Variants in BEST3 observed in about 807,000 individuals in gnomAD.
BEST3 encodes bestrophin 3.
In BEST3, 50 loss-of-function variants were observed where a neutral mutation model predicts 47.1. The observed-to-expected ratio is 1.06, with a 90% confidence interval of 0.85 to 1.34. BEST3 has a LOEUF of 1.34. Ranked by LOEUF, BEST3 falls within the 40% of genes most tolerant of loss-of-function variation. The probability of loss-of-function intolerance (pLI) is 0.00; values close to 1 mark genes in which losing one functional copy is unlikely to be tolerated. For missense variants in BEST3, 765 were observed against 817.0 expected, an observed-to-expected ratio of 0.94 and a Z score of 0.78; for synonymous variants, 282 against 298.8, an observed-to-expected ratio of 0.94 and a Z score of 0.58.
chr12:69,690,885 AT>A (rs921700383), intron 4 of BEST3, among the ~76,000 whole-genome samples: 32 of 151,670 alleles, frequency 2.1e-4, no homozygotes, highest in Admixed American at 1.2e-3. Flanking sequence ...ATGGCAATTA[AT>A]TTTTTTTTAA....
At chr12:69,650,915 TA>T (rs1046584495), downstream of BEST3, among the ~76,000 whole-genome samples, 3 of 151,974 alleles carry the variant, frequency 2.0e-5, no homozygotes, top group Non-Finnish European at 4.4e-5. Flanking sequence ...ATGACTAGAT[TA>T]ATAATTTGGA....
At chr12:69,656,781 C>T (rs1300780885) in intron 9 of BEST3, among the ~76,000 whole-genome samples, 1 of 152,154 alleles carries the variant, frequency 6.6e-6, no homozygotes, top group African/African-American at 2.4e-5. Context: ...TGCTCCTAAT[C>T]CCTTTGATGG....
In BEST3 at chr12:69,666,047, T is replaced by G. The variant is rs146267929; in HGVS notation, c.1100+5381A>C. On this transcript the variant is annotated intron_variant, in intron 9 of 9. Coordinates refer to ENST00000330891, the MANE Select transcript of BEST3 (RefSeq NM_032735.3). ...ACTTCTTTTTTTTTCTGAGACAAGG[T>G]CTCGCTCTGTCACCCAAACTGTAGT... Among the ~76,000 whole-genome samples, 59 of 152,234 alleles carry G rather than the reference T, an allele frequency of 3.9e-4. No homozygotes were observed. The East Asian group carries it at 0.011, about 29-fold the overall frequency.
At chr12:69,693,242 TCTC>T (rs1325933266) in intron 4 of BEST3, among the ~76,000 whole-genome samples, 5 of 129,298 alleles carry the variant, frequency 3.9e-5, no homozygotes, top group Non-Finnish European at 6.6e-5. Flanking sequence ...TCTCTCTCTC[TCTC>T]TTTTTTTTTT....
intron 4 of BEST3, among the ~76,000 whole-genome samples, chr12:69,687,927 A>G (rs1442118700): frequency 1.3e-5 from 2 of 152,224 alleles, no homozygotes; most frequent in African/African-American, 2.4e-5. Flanking sequence ...TGTTCTGCTT[A>G]TAAGGGTAGT....
At chr12:69,648,012 G>A (rs1446788669) in intron 9 of BEST3, among the ~76,000 whole-genome samples, 2 of 152,206 alleles carry the variant, frequency 1.3e-5, no homozygotes, top group South Asian at 2.1e-4. Flanking sequence ...ATGCTTAATG[G>A]CATTAGTAAT....
rs1356917617 is a variant in BEST3 at position 69,699,269 on chromosome 12, A to G, written c.-80T>C. The stretch of plus-strand genomic sequence containing the variant: ...CTTCAAATTTCGGGCTCCCCCGAAG[A>G]GGTGCCTTCAGGTCGGTGCTGCACG... On this transcript the variant is annotated 5_prime_UTR_variant, in exon 1 of 10. Transcript: ENST00000330891. The G allele has an allele frequency of 5.1e-6, 5 of 985,326 alleles. No homozygotes were observed. In the African/African-American group the frequency reaches 8.7e-5, roughly 17 times the overall value. 61.0% of individuals were successfully genotyped at this position (985,326 alleles called of 1,614,324 possible).
chr12:69,660,628 C>G (rs1883814356), intron 9 of BEST3: 1 of 151,778 alleles, frequency 6.6e-6, no homozygotes, highest in Non-Finnish European at 1.5e-5. Flanking sequence ...TCAAACCCTG[C>G]AATACACACT....
intron 4 of BEST3, chr12:69,684,151 G>C (rs1885417148): frequency 6.2e-6 from 1 of 160,982 alleles, no homozygotes; most frequent in Admixed American, 6.4e-5. Flanking sequence ...CACACCCCTG[G>C]CATAGCTATT....
chr12:69,665,033 A>C (rs1194706537), intron 9 of BEST3, among the ~76,000 whole-genome samples: 1 of 150,622 alleles, frequency 6.6e-6, no homozygotes, highest in Non-Finnish European at 1.5e-5. Context: ...AGTGGACAGC[A>C]CTACAGCGAA....
chr12:69,645,923 C>G (rs117549978), intron 9 of BEST3, among the ~76,000 whole-genome samples: 1,856 of 152,162 alleles, frequency 0.012, 16 homozygotes, highest in Non-Finnish European at 0.021. Context: ...GTTACTGGTA[C>G]CAGCATTTGA....
chr12:69,697,583 T>A (rs911764818), intron 2 of BEST3, 64 bp downstream of exon 2: 205 of 1,342,048 alleles, frequency 1.5e-4, no homozygotes, highest in Non-Finnish European at 2.0e-4. Context: ...AAGGTTCAGA[T>A]TTTTGAGACT....
At chr12:69,672,549 A>G (rs1185200819) in intron 8 of BEST3, among the ~76,000 whole-genome samples, 3 of 152,242 alleles carry the variant, frequency 2.0e-5, no homozygotes, top group Non-Finnish European at 4.4e-5. Context: ...TTAAGTCACT[A>G]TTAACCTCTC....
At chr12:69,650,903 A>G (rs1883186639), downstream of BEST3, among the ~76,000 whole-genome samples, 2 of 152,236 alleles carry the variant, frequency 1.3e-5, no homozygotes, top group South Asian at 4.2e-4. Flanking sequence ...ACCAAGAGAG[A>G]AATGACTAGA....
intron 9 of BEST3, among the ~76,000 whole-genome samples, chr12:69,664,378 C>T (rs958828766): frequency 6.6e-6 from 1 of 152,124 alleles, no homozygotes; most frequent in African/African-American, 2.4e-5. Flanking sequence ...CCCCTCTCCC[C>T]TTACTGTATC....
At position 69,654,637 on chromosome 12, in the gene BEST3, T is replaced by C; in HGVS notation, c.*270A>G. On this transcript the variant is annotated 3_prime_UTR_variant, in exon 10 of 10. Transcript: ENST00000330891. Reference sequence around the variant, plus strand: ...GTCATGTATGTTTTTCAGATTCCTTTTTTTGGTTAAGACTTATTTGGCTAA... The same window carrying C: ...GTCATGTATGTTTTTCAGATTCCTTCTTTTGGTTAAGACTTATTTGGCTAA... 1 of 1,175,868 alleles carries C rather than the reference T, an allele frequency of 8.5e-7. No homozygotes were observed. The highest frequency in any genetic ancestry group is 3.9e-5 in the East Asian group (1 of 25,480). The allele number at this position is 1,175,868 out of a possible 1,614,324, so 72.8% of individuals were successfully genotyped here.
At chr12:69,690,010 C>T (rs1223339696) in intron 4 of BEST3, among the ~76,000 whole-genome samples, 1 of 152,092 alleles carries the variant, frequency 6.6e-6, no homozygotes, top group Non-Finnish European at 1.5e-5. Context: ...CTTTGGGGTA[C>T]TAAAAAAACC....
intron 9 of BEST3, among the ~76,000 whole-genome samples, chr12:69,662,872 T>C (rs558648815): frequency 6.6e-6 from 1 of 152,352 alleles, no homozygotes; most frequent in African/African-American, 2.4e-5. Flanking sequence ...TTTACAGGCT[T>C]GGAGCATGCT....
In BEST3 at chr12:69,654,695, C is replaced by A; in HGVS notation, c.*212G>T. 7.6e-7 allele frequency: 1 copy of A among 1,316,106 alleles called. No homozygotes were observed. Among genetic ancestry groups the A allele is most frequent in the South Asian group, 2.6e-5 (1 of 39,138 alleles). The allele number at this position is 1,316,106 out of a possible 1,614,324, so 81.5% of individuals were successfully genotyped here. A position where few individuals can be genotyped will look rare whatever the true frequency, so the allele number is the denominator to read the frequency against. ...TGGTCTGTGTAACTTCTGATGAAAG[C>A]CATGTTGTGTTGGATGACGTGAATG... On this transcript the variant is annotated 3_prime_UTR_variant, in exon 10 of 10. Coordinates refer to ENST00000330891, the MANE Select transcript of BEST3 (RefSeq NM_032735.3).
Sources: gnomAD v4.1 joint callset for allele counts (sites outside exome capture counted in the v4.1 genomes callset) on GRCh38, gnomAD v4.1.1 for gene constraint, MANE v1.5 for transcripts, NCBI Gene and HGNC (gene_info 2026-07-23, HGNC 2026-07-21) for gene names.